MRPL22: variants seen among roughly 807,000 people sequenced by gnomAD.
MRPL22 encodes large ribosomal subunit protein uL22m.
In MRPL22, 27 loss-of-function variants were observed where a neutral mutation model predicts 32.4. The observed-to-expected ratio is 0.83, with a 90% CI of 0.61 to 1.15. The LOEUF (loss-of-function observed/expected upper bound fraction) is 1.15. Ranked by LOEUF, MRPL22 falls within the 50% of genes most tolerant of loss-of-function variation. The pLI, the probability that MRPL22 is intolerant of heterozygous loss-of-function variation, is 0.00. For missense variants in MRPL22, 239 were observed against 260.2 expected, an observed-to-expected ratio of 0.92 and a Z score of 0.56; for synonymous variants, 86 against 87.3, an observed-to-expected ratio of 0.99 and a Z score of 0.08.
At chr5:154,961,486 T>C (rs1047110427) in intron 6 of MRPL22, among the ~76,000 whole-genome samples, 4 of 152,238 alleles carry the variant, frequency 2.6e-5, no homozygotes, top group African/African-American at 9.6e-5. Flanking sequence ...ATAGACTTTC[T>C]AATGGACTTC....
chr5:154,956,125 C>T, intron 3 of MRPL22: 1 of 382,808 alleles, frequency 2.6e-6, no homozygotes, highest in Non-Finnish European at 4.6e-6. Context: ...CAAGTGTTGA[C>T]ACAAACCAGC....
At chr5:154,947,804 A>G (rs893924606) in intron 2 of MRPL22, among the ~76,000 whole-genome samples, 10 of 152,228 alleles carry the variant, frequency 6.6e-5, no homozygotes, top group African/African-American at 1.4e-4. Context: ...TGGCAAGAAC[A>G]AAGTATTAAG....
intron 3 of MRPL22, among the ~76,000 whole-genome samples, chr5:154,952,176 C>G (rs773029921): frequency 6.6e-6 from 1 of 152,098 alleles, no homozygotes; most frequent in Non-Finnish European, 1.5e-5. Flanking sequence ...CCATCGTGCC[C>G]GGCCTGAAAT....
At chr5:154,947,283 A>G (rs1210666148) in intron 2 of MRPL22, among the ~76,000 whole-genome samples, 1 of 152,120 alleles carries the variant, frequency 6.6e-6, no homozygotes, top group Non-Finnish European at 1.5e-5. Flanking sequence ...GGTCTGCTCG[A>G]CTCTGTAGCC....
chr5:154,956,468 A>C (rs1290885065), intron 4 of MRPL22, 32 bp downstream of exon 4: 1 of 1,468,494 alleles, frequency 6.8e-7, no homozygotes, highest in Admixed American at 1.8e-5. Context: ...CATATAATTA[A>C]TAATTTAGGA....
chr5:154,964,996 G>C (rs1161111130), intron 6 of MRPL22, among the ~76,000 whole-genome samples: 3 of 152,168 alleles, frequency 2.0e-5, no homozygotes, highest in Non-Finnish European at 2.9e-5. Context: ...TTTGTGTAAT[G>C]CTGCTTTCTC....
Position 154,950,944 on chromosome 5 carries a change from T to A in MRPL22, c.195+6T>A. 6.4e-7 allele frequency: 1 copy of A among 1,550,846 alleles called. No individual in the cohort carries two copies. On this transcript the variant is annotated splice_donor_region_variant and intron_variant, in intron 3 of 6. Transcript: ENST00000523037. ...GAGAACCTCGGAGACCAGCAGTAAG[T>A]TCGTGGGTAGAACTAATCTCTTAAT...
Position 154,941,123 on chromosome 5 carries a change from G to C in MRPL22, c.13G>C (p.Val5Leu). MAAAVLGQLGALWIH... is the reference protein window; with the variant it reads MAAALLGQLGALWIH... ...GGGAGGGCGAAAGATGGCGGCGGCAGTACTGGGACAGTTGGGTAAGGATTT... is the reference window on the plus strand; with the variant it reads ...GGGAGGGCGAAAGATGGCGGCGGCACTACTGGGACAGTTGGGTAAGGATTT... The change falls in exon 1 of 7, where the codon GTA becomes CTA. Residue 5 changes from valine to leucine, a missense_variant. Physicochemically the swap from Val to Leu is conservative, Grantham distance 32. Transcript: ENST00000523037. 3 of 1,614,042 alleles carry C rather than the reference G, an allele frequency of 1.9e-6. No homozygotes were observed. Among genetic ancestry groups the C allele is most frequent in the Non-Finnish European group, 2.5e-6 (3 of 1,180,036 alleles).
intron 5 of MRPL22, among the ~76,000 whole-genome samples, chr5:154,957,924 T>C (rs1041176290): frequency 2.0e-5 from 3 of 146,654 alleles, no homozygotes; most frequent in African/African-American, 7.5e-5. Context: ...CTTTTTTTTT[T>C]TTTTTTTTTT....
intron 2 of MRPL22, among the ~76,000 whole-genome samples, chr5:154,945,358 C>A (rs563177815): frequency 6.6e-6 from 1 of 152,292 alleles, no homozygotes; most frequent in South Asian, 2.1e-4. Flanking sequence ...TAACCACTTA[C>A]TGAGCTAGGA....
chr5:154,954,847 A>G (rs974938025), intron 3 of MRPL22, among the ~76,000 whole-genome samples: 6 of 152,174 alleles, frequency 3.9e-5, no homozygotes. Context: ...GCTGGAGTGC[A>G]GTGGCGCAAT....
At position 154,968,992 on chromosome 5, in the gene MRPL22, C is replaced by T. The variant is rs286595; in HGVS notation, c.*2095C>T. 55,799 of 152,120 alleles carry T rather than the reference C, an allele frequency of 0.37. 11,220 individuals carry two copies. Among genetic ancestry groups the T allele is most frequent in the Middle Eastern group, 0.46 (136 of 296 alleles). 9.4% of individuals were successfully genotyped at this position (152,120 alleles called of 1,614,324 possible). ...TCTCAATGAATCTTTCCCATTGTGACATCCGGCTAGTTTTCGTGGCTAAGA... is the reference window on the plus strand; with the variant it reads ...TCTCAATGAATCTTTCCCATTGTGATATCCGGCTAGTTTTCGTGGCTAAGA... On this transcript the variant is annotated 3_prime_UTR_variant, in exon 7 of 7. Transcript: ENST00000523037.
At chr5:154,941,320 C>A in intron 2 of MRPL22, 55 bp downstream of exon 2, 1 of 1,607,262 alleles carries the variant, frequency 6.2e-7, no homozygotes, top group Non-Finnish European at 8.5e-7. Flanking sequence ...TAGTATTCTG[C>A]CAGTTGGTAA....
chr5:154,952,708 T>G (rs1764579660), intron 3 of MRPL22, among the ~76,000 whole-genome samples: 1 of 152,186 alleles, frequency 6.6e-6, no homozygotes, highest in Admixed American at 6.5e-5. Context: ...AATAATTTAT[T>G]CACTGGCCAT....
chr5:154,945,539 T>C (rs1417202946), intron 2 of MRPL22, among the ~76,000 whole-genome samples: 1 of 152,194 alleles, frequency 6.6e-6, no homozygotes, highest in Admixed American at 6.5e-5. Flanking sequence ...GCATGGATAA[T>C]GTTTAAAGCT....
At chr5:154,941,394 C>A in intron 2 of MRPL22, 129 bp downstream of exon 2, 2 of 1,113,044 alleles carry the variant, frequency 1.8e-6, no homozygotes, top group Non-Finnish European at 1.3e-6. Flanking sequence ...TGAGACAGCC[C>A]GAGTCTCTGC....
chr5:154,957,507 G>A (rs150873972), intron 5 of MRPL22, among the ~76,000 whole-genome samples: 4 of 151,972 alleles, frequency 2.6e-5, no homozygotes, highest in Non-Finnish European at 5.9e-5. Context: ...GGCTTGGTAC[G>A]TATATGTGTG....
At chr5:154,949,443 T>G (rs1017981946) in intron 2 of MRPL22, among the ~76,000 whole-genome samples, 2 of 152,122 alleles carry the variant, frequency 1.3e-5, no homozygotes, top group Non-Finnish European at 2.9e-5. Flanking sequence ...GGTAGCTCAT[T>G]TGGTACTCAA....
rs762375549 is a variant in MRPL22, at chr5:154,966,899, G to A, written c.*2G>A. 1 of 1,608,818 alleles carries A rather than the reference G, an allele frequency of 6.2e-7. No homozygotes were observed. The highest frequency in any genetic ancestry group is 8.5e-7 in the Non-Finnish European group (1 of 1,177,194). ...CGGACCATCGTTCACACTCTATGAT[G>A]AGGAGATTCAGACTCCACAGTGTAT... On this transcript the variant is annotated 3_prime_UTR_variant, in exon 7 of 7. Coordinates refer to ENST00000523037, the MANE Select transcript of MRPL22 (RefSeq NM_014180.4).
Sources: allele counts gnomAD v4.1 joint callset (sites outside exome capture counted in the v4.1 genomes callset), GRCh38; gene constraint gnomAD v4.1.1; transcripts MANE v1.5; gene names NCBI Gene and HGNC (gene_info 2026-07-23, HGNC 2026-07-21).